The following IMMP2L variants were observed in gnomAD, a reference collection of about 807,000 sequenced individuals.
The protein encoded by IMMP2L is inner mitochondrial membrane peptidase subunit 2, also known as mitochondrial inner membrane protease subunit 2.
A neutral mutation model predicts 19.3 loss-of-function variants in IMMP2L; 18 were observed. The ratio of observed to expected loss-of-function variants is 0.93; its 90% CI spans 0.64 to 1.38. The LOEUF (loss-of-function observed/expected upper bound fraction) is 1.38. IMMP2L is among the 40% of genes most tolerant of loss of function. The pLI, the probability that IMMP2L is intolerant of heterozygous loss-of-function variation, is 0.00. For synonymous variants in IMMP2L, 76 were observed against 73.0 expected (o/e 1.04, Z -0.21); for missense variants, 233 against 218.2 (o/e 1.07, Z -0.43).
intron 3 of IMMP2L, among the ~76,000 whole-genome samples, chr7:110,971,461 A>T (rs1820135253): frequency 6.6e-6 from 1 of 152,126 alleles, no homozygotes; most frequent in Non-Finnish European, 1.5e-5. Flanking sequence ...AGAATCAGAC[A>T]GGCCAACATG....
intron 3 of IMMP2L, among the ~76,000 whole-genome samples, chr7:111,442,895 C>A (rs1216137801): frequency 1.3e-5 from 2 of 151,768 alleles, no homozygotes; most frequent in African/African-American, 4.9e-5. Flanking sequence ...TGGTTTGGAC[C>A]TAGTTACAAA....
At chr7:111,114,986 A>C (rs1342802219) in intron 3 of IMMP2L, among the ~76,000 whole-genome samples, 1 of 152,118 alleles carries the variant, frequency 6.6e-6, no homozygotes, top group East Asian at 1.9e-4. Flanking sequence ...TCTCTAGTTT[A>C]ATTATAACCT....
At chr7:111,561,740 A>C (rs1354183035) in intron 1 of IMMP2L, 111 bp downstream of exon 1, 1 of 152,750 alleles carries the variant, frequency 6.5e-6, no homozygotes, top group African/African-American at 2.4e-5. Flanking sequence ...AAAAGGTAGA[A>C]TCTGGGCCCA....
At chr7:111,031,533 T>A (rs1790821768) in intron 3 of IMMP2L, among the ~76,000 whole-genome samples, 1 of 152,090 alleles carries the variant, frequency 6.6e-6, no homozygotes, top group African/African-American at 2.4e-5. Context: ...TATCGGATTA[T>A]AACAAAAAGT....
chr7:111,363,736 C>T (rs1431237834), intron 3 of IMMP2L, among the ~76,000 whole-genome samples: 1 of 151,970 alleles, frequency 6.6e-6, no homozygotes, highest in African/African-American at 2.4e-5. Context: ...TTCAAGGTAT[C>T]TCCAAATTAA....
intron 1 of IMMP2L, among the ~76,000 whole-genome samples, chr7:111,533,283 T>C (rs1847573740): frequency 2.0e-5 from 3 of 152,174 alleles, no homozygotes; most frequent in Non-Finnish European, 2.9e-5. Flanking sequence ...CACTCTTATA[T>C]GCCTTGTTTT....
chr7:111,382,506 C>G (rs1265613065), intron 3 of IMMP2L, among the ~76,000 whole-genome samples: 1 of 151,970 alleles, frequency 6.6e-6, no homozygotes, highest in East Asian at 1.9e-4. Flanking sequence ...ACAACTGTTT[C>G]TAAAATCTTA....
At chr7:110,913,856 T>C (rs1166575431) in intron 4 of IMMP2L, among the ~76,000 whole-genome samples, 1 of 152,178 alleles carries the variant, frequency 6.6e-6, no homozygotes, top group Non-Finnish European at 1.5e-5. Flanking sequence ...GCTTAATGAC[T>C]TCCCATTGAA....
intron 5 of IMMP2L, among the ~76,000 whole-genome samples, chr7:110,820,249 T>C (rs1802905712): frequency 6.6e-6 from 1 of 152,098 alleles, no homozygotes. Context: ...GGTGAAAATA[T>C]GTGAAACTCA....
At chr7:111,472,192 A>C (rs1204467442) in intron 3 of IMMP2L, among the ~76,000 whole-genome samples, 3 of 152,106 alleles carry the variant, frequency 2.0e-5, no homozygotes, top group South Asian at 2.1e-4. Context: ...GGGCATGTAT[A>C]TATATACTCT....
rs934601124 is a variant in IMMP2L at position 111,360,218 on chromosome 7, T to C, written c.239+127020A>G. ...CTAAAATCAAATACAGACATCAACA[T>C]AATACATATGCAAAAACTAGATTTC... On this transcript the variant is annotated intron_variant, in intron 3 of 5. Transcript: ENST00000405709. Among the ~76,000 whole-genome samples the C allele has an allele frequency of 9.9e-5, 15 of 152,276 alleles. No individual in the cohort carries two copies. The Middle Eastern group carries it at 0.01, about 104-fold the overall frequency.
At chr7:111,062,358 C>T (rs1281086470) in intron 3 of IMMP2L, among the ~76,000 whole-genome samples, 3 of 152,124 alleles carry the variant, frequency 2.0e-5, no homozygotes, top group Non-Finnish European at 2.9e-5. Context: ...AAGACCCACC[C>T]TATAATTAAA....
chr7:111,124,365 T>C lies in IMMP2L; in HGVS notation c.240-160800A>G, dbSNP rs750201404. On this transcript the variant is annotated intron_variant, in intron 3 of 5. Coordinates refer to ENST00000405709, the MANE Select transcript of IMMP2L (RefSeq NM_032549.4). Reference sequence around the variant, plus strand: ...GCTCTTTGAATATTAAAATAAGAGATATTCAGGCCAATTCAGTTTTGGTGT... The same window carrying C: ...GCTCTTTGAATATTAAAATAAGAGACATTCAGGCCAATTCAGTTTTGGTGT... The C allele has an allele frequency of 5.6e-6, 9 of 1,613,714 alleles. No individual in the cohort carries two copies. The East Asian group carries it at 1.1e-4, about 20-fold the overall frequency.
chr7:110,875,779 C>T (rs1172153192), intron 5 of IMMP2L, among the ~76,000 whole-genome samples: 1 of 152,070 alleles, frequency 6.6e-6, no homozygotes, highest in African/African-American at 2.4e-5. Context: ...AAACTTCAGC[C>T]TAATGTAGTT....
chr7:111,337,544 C>A (rs1397996409), intron 3 of IMMP2L, among the ~76,000 whole-genome samples: 1 of 151,764 alleles, frequency 6.6e-6, no homozygotes, highest in Non-Finnish European at 1.5e-5. Flanking sequence ...GTTGAATGGG[C>A]AGGTAGGCTG....
chr7:110,856,044 G>T (rs542413160), intron 5 of IMMP2L, among the ~76,000 whole-genome samples: 1 of 152,002 alleles, frequency 6.6e-6, no homozygotes, highest in East Asian at 1.9e-4. Context: ...GCTTCAATTT[G>T]CTTTTTTCAC....
In IMMP2L at chr7:111,257,900, T is replaced by C. The variant is rs925064469; in HGVS notation, c.239+229338A>G. ...GCACCCAGCAACTCGTAATTTACAT[T>C]AGGTATTTCTCCTAACACTATCCCT... On this transcript the variant is annotated intron_variant, in intron 3 of 5. Transcript: ENST00000405709. Among the ~76,000 whole-genome samples, 4 of 152,118 alleles carry C rather than the reference T, an allele frequency of 2.6e-5. No individual in the cohort carries two copies. In the East Asian group the frequency reaches 5.8e-4, roughly 22 times the overall value.
chr7:110,686,433 G>A (rs966066439), intron 5 of IMMP2L, among the ~76,000 whole-genome samples: 1 of 151,742 alleles, frequency 6.6e-6, no homozygotes, highest in African/African-American at 2.4e-5. Context: ...CGTATTTCCA[G>A]TCCTATCCTT....
chr7:111,219,984 T>C (rs1233967659), intron 3 of IMMP2L, among the ~76,000 whole-genome samples: 1 of 152,042 alleles, frequency 6.6e-6, no homozygotes, highest in Non-Finnish European at 1.5e-5. Context: ...CAAAATAAAT[T>C]TGGAACCTAA....
Sources: allele counts gnomAD v4.1 joint callset (sites outside exome capture counted in the v4.1 genomes callset), GRCh38; gene constraint gnomAD v4.1.1; transcripts MANE v1.5; gene names NCBI Gene and HGNC (gene_info 2026-07-23, HGNC 2026-07-21).